Variants in ASTN2 observed in about 807,000 individuals in gnomAD.
ASTN2 encodes astrotactin 2, also known as astrotactin-2.
Under a neutral mutation model 139.8 loss-of-function variants are expected in ASTN2, and 54 were observed. The observed-to-expected ratio is 0.39, with a 90% CI of 0.31 to 0.48. ASTN2 has a LOEUF of 0.48. Among genes scored for constraint, ASTN2 ranks in the 20% least tolerant of loss-of-function variants. ASTN2 has a pLI of 0.95. For synonymous variants in ASTN2, 756 were observed against 719.5 expected, an observed-to-expected ratio of 1.05 and a Z score of -0.81; for missense variants, 1,565 against 1,725.1, an observed-to-expected ratio of 0.91 and a Z score of 1.64.
chr9:116,585,235 AT>A (rs1427291475), intron 19 of ASTN2: 1 of 152,180 alleles, frequency 6.6e-6, no homozygotes, highest in East Asian at 1.9e-4. Context: ...TAGACAAGTG[AT>A]TTCTCCTGAC....
intron 16 of ASTN2, among the ~76,000 whole-genome samples, chr9:116,665,269 C>T (rs1271212562): frequency 5.3e-5 from 8 of 152,096 alleles, no homozygotes; most frequent in Non-Finnish European, 7.4e-5. Context: ...ATTGGTATTG[C>T]TATTTTGAAA....
intron 3 of ASTN2, among the ~76,000 whole-genome samples, chr9:117,144,767 T>G (rs1830156815): frequency 7.1e-6 from 1 of 141,228 alleles, no homozygotes. Context: ...CTGTAACCTC[T>G]GCCTCCTGGG....
At chr9:117,238,113 G>A (rs1047215062) in intron 2 of ASTN2, among the ~76,000 whole-genome samples, 2 of 152,186 alleles carry the variant, frequency 1.3e-5, no homozygotes, top group African/African-American at 4.8e-5. Flanking sequence ...GGGAGAGGCT[G>A]TTTTAATAAT....
chr9:117,345,472 C>G (rs759249207), intron 1 of ASTN2, among the ~76,000 whole-genome samples: 1 of 152,136 alleles, frequency 6.6e-6, no homozygotes, highest in Non-Finnish European at 1.5e-5. Flanking sequence ...AAATCCCTAC[C>G]GTAATCCTGC....
intron 22 of ASTN2, among the ~76,000 whole-genome samples, chr9:116,433,655 GTGA>G (rs1564273548): frequency 6.6e-6 from 1 of 152,136 alleles, no homozygotes; most frequent in Non-Finnish European, 1.5e-5. Flanking sequence ...TTAAGCTGGT[GTGA>G]TGAACTTGTG....
intron 11 of ASTN2, among the ~76,000 whole-genome samples, chr9:116,827,026 A>G (rs1396546268): frequency 6.6e-6 from 1 of 152,112 alleles, no homozygotes; most frequent in African/African-American, 2.4e-5. Context: ...AACTAGAAAT[A>G]TGGCTGGGAG....
chr9:116,621,395 A>G (rs956716495), intron 17 of ASTN2, among the ~76,000 whole-genome samples: 2 of 150,122 alleles, frequency 1.3e-5, no homozygotes, highest in African/African-American at 5.0e-5. Context: ...AATGTGCTTC[A>G]TAGTCTTTTT....
At chr9:116,686,662 G>A (rs1158745024) in intron 16 of ASTN2, 7 of 1,544,260 alleles carry the variant, frequency 4.5e-6, no homozygotes, top group Non-Finnish European at 5.3e-6. Flanking sequence ...ACCTTCACCC[G>A]AGCAAAACTA....
intron 20 of ASTN2, among the ~76,000 whole-genome samples, chr9:116,470,633 C>T (rs576597341): frequency 4.6e-5 from 7 of 152,166 alleles, no homozygotes; most frequent in African/African-American, 1.7e-4. Context: ...CCATTCATAT[C>T]ATTGATTCTT....
rs940200062 is a variant in ASTN2, at chr9:117,055,575, T to A, written c.1277-15610A>T. Among the ~76,000 whole-genome samples, 6 of 152,338 alleles carry A rather than the reference T, an allele frequency of 3.9e-5. No homozygotes were observed. The East Asian group carries it at 1.2e-3, about 29-fold the overall frequency. On this transcript the variant is annotated intron_variant, in intron 5 of 22. Coordinates refer to ENST00000313400, the MANE Select transcript of ASTN2 (RefSeq NM_001365068.1). ...ATGGAGGACAAAGAAAGAAATCTCGTTGAGCAAAGGCAATCTATAAGAATA... is the reference window on the plus strand; with the variant it reads ...ATGGAGGACAAAGAAAGAAATCTCGATGAGCAAAGGCAATCTATAAGAATA...
chr9:116,439,165 A>AGAT (rs999392396), intron 22 of ASTN2, among the ~76,000 whole-genome samples: 1 of 149,998 alleles, frequency 6.7e-6, no homozygotes, highest in Non-Finnish European at 1.5e-5. Context: ...TCCCTTTACA[A>AGAT]GATGATGTTG....
At chr9:116,946,769 G>A (rs1308252459) in intron 10 of ASTN2, among the ~76,000 whole-genome samples, 1 of 151,932 alleles carries the variant, frequency 6.6e-6, no homozygotes, top group Non-Finnish European at 1.5e-5. Context: ...CAGGAAAAGG[G>A]TGGGGAGGAT....
At chr9:117,084,144 A>T (rs1250524151) in intron 5 of ASTN2, among the ~76,000 whole-genome samples, 6 of 152,112 alleles carry the variant, frequency 3.9e-5, no homozygotes, top group African/African-American at 1.4e-4. Flanking sequence ...TGAATACATA[A>T]TTTTCTCTTC....
intron 22 of ASTN2, among the ~76,000 whole-genome samples, chr9:116,427,766 G>A (rs896100388): frequency 1.2e-4 from 18 of 152,320 alleles, no homozygotes; most frequent in Non-Finnish European, 4.4e-5. Flanking sequence ...AATATTTCCT[G>A]AGGTGCCAAG....
At chr9:117,350,541 G>A (rs752414961) in intron 1 of ASTN2, among the ~76,000 whole-genome samples, 3 of 148,914 alleles carry the variant, frequency 2.0e-5, no homozygotes, top group South Asian at 4.2e-4. Context: ...GCAACAGAAC[G>A]AGACTCCATC....
At position 116,823,150 on chromosome 9, in the gene ASTN2, T is replaced by C. The variant is rs192527784; in HGVS notation, c.2041-2367A>G. On this transcript the variant is annotated intron_variant, in intron 11 of 22. Transcript: ENST00000313400. ...TCTGGCCTCCAGCACTAGGAGAGAA[T>C]AAATTTCTTAATAATTATCTTAAGC... 1.4e-4 allele frequency among the ~76,000 whole-genome samples: 21 copies of C among 152,302 alleles called. 1 individual carries two copies. Among genetic ancestry groups the C allele is most frequent in the African/African-American group, 5.1e-4 (21 of 41,562 alleles).
chr9:117,410,499 G>A (rs557565539), intron 1 of ASTN2, among the ~76,000 whole-genome samples: 5 of 152,250 alleles, frequency 3.3e-5, no homozygotes, highest in African/African-American at 7.2e-5. Context: ...ATCTTTACAC[G>A]AAAGGATTAT....
intron 1 of ASTN2, among the ~76,000 whole-genome samples, chr9:117,298,582 C>A (rs1357095927): frequency 6.6e-6 from 1 of 151,252 alleles, no homozygotes; most frequent in Non-Finnish European, 1.5e-5. Context: ...AGACAGCACT[C>A]CACAGTTACA....
intron 19 of ASTN2, chr9:116,585,698 C>T (rs972606131): frequency 6.6e-6 from 1 of 152,234 alleles, no homozygotes; most frequent in Admixed American, 6.5e-5. Context: ...AATTTAAGTC[C>T]TCCAACTATA....
Sources: gnomAD v4.1 joint callset for allele counts (sites outside exome capture counted in the v4.1 genomes callset) on GRCh38, gnomAD v4.1.1 for gene constraint, MANE v1.5 for transcripts, NCBI Gene and HGNC (gene_info 2026-07-23, HGNC 2026-07-21) for gene names.